AKT2: variants seen among roughly 807,000 people sequenced by gnomAD.
AKT2 encodes AKT serine/threonine kinase 2, also known as RAC-beta serine/threonine-protein kinase.
In AKT2, 16 loss-of-function variants were observed where a neutral mutation model predicts 58.6. That is an observed-to-expected ratio of 0.27 (90% CI 0.18 to 0.41). The LOEUF (loss-of-function observed/expected upper bound fraction) is 0.41, where lower values mean the gene tolerates loss of function less well. Among genes scored for constraint, AKT2 ranks in the 10% least tolerant of loss-of-function variants. The pLI is 1.00. For missense variants in AKT2, 438 were observed against 661.0 expected (o/e 0.66, Z 3.70); for synonymous variants, 253 against 254.0 (o/e 1.00, Z 0.04).
Position 40,242,901 on chromosome 19 carries a change from C to A in AKT2, c.288-214G>T. The A allele has an allele frequency of 1.7e-6, 1 of 572,654 alleles. No homozygotes were observed. The highest frequency in any genetic ancestry group is 3.1e-6 in the Non-Finnish European group (1 of 317,892). 35.5% of individuals were successfully genotyped at this position (572,654 alleles called of 1,614,324 possible). ...CAGTGGCTCATGCCTATAATCCCAG[C>A]ACTTTGGGAGGCTGAGGCGGATGGA... On this transcript the variant is annotated intron_variant, in intron 4 of 13. Coordinates refer to ENST00000392038, the MANE Select transcript of AKT2 (RefSeq NM_001626.6). The surrounding 1 kb of genome is among the most constrained non-coding windows in gnomAD (Gnocchi z 4.3).
chr19:40,260,899 G>A (rs1396706030), intron 2 of AKT2, among the ~76,000 whole-genome samples: 2 of 152,218 alleles, frequency 1.3e-5, no homozygotes, highest in African/African-American at 2.4e-5. Context: ...AGTGAGCCAT[G>A]AGCCAAGGTC....
At chr19:40,259,095 C>T (rs1247966597) in intron 2 of AKT2, among the ~76,000 whole-genome samples, 1 of 151,986 alleles carries the variant, frequency 6.6e-6, no homozygotes, top group East Asian at 1.9e-4. Flanking sequence ...AAAAATAAAC[C>T]CAAATATCTA....
At chr19:40,261,725 T>G (rs746255544) in intron 2 of AKT2, among the ~76,000 whole-genome samples, 4 of 152,088 alleles carry the variant, frequency 2.6e-5, no homozygotes, top group Non-Finnish European at 5.9e-5. Flanking sequence ...CAGCACAGAA[T>G]GAACTAAGAC....
intron 3 of AKT2, 131 bp downstream of exon 3, chr19:40,256,795 G>T: frequency 1.4e-6 from 2 of 1,413,774 alleles, no homozygotes; most frequent in Non-Finnish European, 2.0e-6. Flanking sequence ...CAGGGGAAGG[G>T]TGAAAACAGA....
In AKT2 at chr19:40,233,146, G is replaced by A. The variant is rs2145145441; in HGVS notation, c.*726C>T. On this transcript the variant is annotated 3_prime_UTR_variant, in exon 14 of 14. Transcript: ENST00000392038. This position sits in a 1 kb window ranked among gnomAD's most constrained non-coding sequence, Gnocchi z 4.3. ...AGGCACGGGGCTGGGAGGCAGGCAG[G>A]TTTGGCCCCAAATGTTCCTCCTGCC... The A allele has an allele frequency of 4.2e-6, 1 of 237,806 alleles. No homozygotes were observed. Among genetic ancestry groups the A allele is most frequent in the South Asian group, 1.7e-4 (1 of 5,850 alleles). The allele number at this position is 237,806 out of a possible 1,614,324, so 14.7% of individuals were successfully genotyped here. A position where few individuals can be genotyped will look rare whatever the true frequency, so the allele number is the denominator to read the frequency against.
chr19:40,233,335 T>C lies in AKT2; in HGVS notation c.*537A>G. ...CCTGCAGCTCCCAAGGGCCCCTGCCTGCCCCTGGACATTATTGCTTTTCTG... is the reference window on the plus strand; with the variant it reads ...CCTGCAGCTCCCAAGGGCCCCTGCCCGCCCCTGGACATTATTGCTTTTCTG... On this transcript the variant is annotated 3_prime_UTR_variant, in exon 14 of 14. Transcript: ENST00000392038. The surrounding 1 kb of genome is among the most constrained non-coding windows in gnomAD (Gnocchi z 4.3). 1 of 393,526 alleles carries C rather than the reference T, an allele frequency of 2.5e-6. No individual in the cohort carries two copies. Among genetic ancestry groups the C allele is most frequent in the Non-Finnish European group, 4.8e-6 (1 of 208,172 alleles). 24.4% of individuals were successfully genotyped at this position (393,526 alleles called of 1,614,324 possible).
Position 40,233,794 on chromosome 19 carries a change from G to C in AKT2, c.*78C>G, listed in dbSNP as rs1599944411. On this transcript the variant is annotated 3_prime_UTR_variant, in exon 14 of 14. Transcript: ENST00000392038. The surrounding 1 kb of genome is among the most constrained non-coding windows in gnomAD (Gnocchi z 4.3). ...GGGGGTGGGGACACAAACCAAAAAG[G>C]CTAAGTAAAAAGTTAGGGGGAAAAA... 2 of 1,455,846 alleles carry C rather than the reference G, an allele frequency of 1.4e-6. No individual in the cohort carries two copies. The highest frequency in any genetic ancestry group is 1.4e-5 in the African/African-American group (1 of 71,774). The allele number at this position is 1,455,846 out of a possible 1,614,324, so 90.2% of individuals were successfully genotyped here. A position where few individuals can be genotyped will look rare whatever the true frequency, so the allele number is the denominator to read the frequency against.
rs2077495698 is a variant in AKT2 at position 40,285,303 on chromosome 19, G to GCGGCGA, written c.-213_-208dup. 3 of 395,032 alleles carry GCGGCGA rather than the reference G, an allele frequency of 7.6e-6. No homozygotes were observed. The highest frequency in any genetic ancestry group is 8.9e-5 in the Admixed American group (2 of 22,548). 24.5% of individuals were successfully genotyped at this position (395,032 alleles called of 1,614,324 possible). ...AACGGCGCCGGCAGCGGCAGCGGCG[G>GCGGCGA]CGGCGACGCCTCCTCCGAGGCAGGC... On this transcript the variant is annotated 5_prime_UTR_variant, in exon 1 of 14. Coordinates refer to ENST00000392038, the MANE Select transcript of AKT2 (RefSeq NM_001626.6).
Position 40,236,275 on chromosome 19 carries a change from C to G in AKT2, c.942G>C (p.Pro314=), listed in dbSNP as rs769995176. 1 of 1,613,998 alleles carries G rather than the reference C, an allele frequency of 6.2e-7. No homozygotes were observed. Among genetic ancestry groups the G allele is most frequent in the Middle Eastern group, 1.7e-4 (1 of 5,942 alleles). ...CAGACACCTCAGGCGCCAGGTACTC[C>G]GGGGTCCCACAGAAGGTTTTCATGG... is the stretch of plus-strand genomic sequence containing the variant. The part of the protein sequence containing the change: ...GATMKTFCGT[P]EYLAPEVLED... Residue 314 remains proline, a synonymous_variant, in exon 10 of 14, where the codon CCG becomes CCC. Coordinates refer to ENST00000392038, the MANE Select transcript of AKT2 (RefSeq NM_001626.6).
At chr19:40,245,357 A>G (rs547321104) in intron 4 of AKT2, among the ~76,000 whole-genome samples, 1 of 152,292 alleles carries the variant, frequency 6.6e-6, no homozygotes, top group South Asian at 2.1e-4. Flanking sequence ...TAGACAACAT[A>G]AGAAGACCAC....
intron 7 of AKT2, 139 bp downstream of exon 7, chr19:40,239,906 T>C (rs755605917): frequency 9.4e-7 from 1 of 1,058,636 alleles, no homozygotes; most frequent in Admixed American, 1.7e-5. Context: ...TCGGATGACT[T>C]GGCAGGGCGC....
chr19:40,263,852 G>A (rs569788518), intron 2 of AKT2, among the ~76,000 whole-genome samples: 6 of 152,218 alleles, frequency 3.9e-5, no homozygotes, highest in Admixed American at 1.3e-4. Flanking sequence ...ATTGGCTGTC[G>A]CCTCTGGCAT....
intron 1 of AKT2, chr19:40,270,406 TG>T (rs1976623639): frequency 6.6e-6 from 1 of 151,998 alleles, no homozygotes; most frequent in African/African-American, 2.4e-5. Flanking sequence ...ATGTACAGAG[TG>T]AAGCCCTGTG....
chr19:40,279,955 C>T (rs919321955), intron 1 of AKT2, among the ~76,000 whole-genome samples: 10 of 152,210 alleles, frequency 6.6e-5, no homozygotes, highest in African/African-American at 2.4e-4. Flanking sequence ...CCAGTCCCTA[C>T]CCACACGTCA....
intron 1 of AKT2, among the ~76,000 whole-genome samples, chr19:40,266,870 G>A (rs993753373): frequency 6.6e-6 from 1 of 152,186 alleles, no homozygotes; most frequent in Admixed American, 6.5e-5. Flanking sequence ...TTCGAGACAG[G>A]AGGATCACTC....
rs3730258 is a variant in AKT2 at position 40,241,929 on chromosome 19, G to A, written c.573+9C>T. 5,599 of 1,613,686 alleles carry A rather than the reference G, an allele frequency of 3.5e-3. 8 individuals carry two copies. Among genetic ancestry groups the A allele is most frequent in the Non-Finnish European group, 4.3e-3 (5,124 of 1,180,020 alleles). On this transcript the variant is annotated intron_variant, in intron 6 of 13. Coordinates refer to ENST00000392038, the MANE Select transcript of AKT2 (RefSeq NM_001626.6). ...AGAGGCTCGCGAGCGCAATTCCCGG[G>A]GCACGCACCTTGGCAATGATGACTT... is the stretch of plus-strand genomic sequence containing the variant.
In AKT2 at chr19:40,266,896, A is replaced by G. The variant is rs190197199; in HGVS notation, c.-84-1545T>C. On this transcript the variant is annotated intron_variant, in intron 1 of 13. Transcript: ENST00000392038. ...AGGATCACTCGAGCCTGGGAGGTCC[A>G]GGCTGCAGTGAGCCTTGATTGCACC... Among the ~76,000 whole-genome samples the G allele has an allele frequency of 2.9e-3, 437 of 152,352 alleles. 1 individual carries two copies. Among genetic ancestry groups the G allele is most frequent in the African/African-American group, 9.8e-3 (409 of 41,580 alleles).
rs1973687170 is a variant in AKT2, at chr19:40,231,226, AGAG to A, written c.*2643_*2645del. On this transcript the variant is annotated 3_prime_UTR_variant, in exon 14 of 14. Transcript: ENST00000392038. ...CAGCTGTGGGACCCCATCCTGTGGA[AGAG>A]GAGAGAGGCACTAAAAAGATGAGGT... 4.3e-6 allele frequency: 1 copy of A among 231,784 alleles called. No individual in the cohort carries two copies. The highest frequency in any genetic ancestry group is 2.2e-5 in the African/African-American group (1 of 45,242). 14.4% of individuals were successfully genotyped at this position (231,784 alleles called of 1,614,324 possible).
Position 40,270,939 on chromosome 19 carries a change from GGAGGTT to G in AKT2, c.-84-5594_-84-5589del, listed in dbSNP as rs1370075606. ...GAGCCAGGAGGATTGCTTGAGCCCAGGAGGTTGAGGCTGCAGTGAGCTATGACTACA... is the reference window on the plus strand; with the variant it reads ...GAGCCAGGAGGATTGCTTGAGCCCAGGAGGCTGCAGTGAGCTATGACTACA... On this transcript the variant is annotated intron_variant, in intron 1 of 13. Coordinates refer to ENST00000392038, the MANE Select transcript of AKT2 (RefSeq NM_001626.6). Among the ~76,000 whole-genome samples the G allele has an allele frequency of 2.6e-5, 4 of 151,994 alleles. No homozygotes were observed. The South Asian group carries it at 6.2e-4, about 24-fold the overall frequency.
Sources: gnomAD v4.1 joint callset for allele counts (sites outside exome capture counted in the v4.1 genomes callset) on GRCh38, gnomAD v4.1.1 for gene constraint, Gnocchi (gnomAD v3.1) non-coding constraint, MANE v1.5 for transcripts, NCBI Gene and HGNC (gene_info 2026-07-23, HGNC 2026-07-21) for gene names.